The following SOX6 variants were observed in gnomAD, a reference collection of about 807,000 sequenced individuals.
SOX6 encodes SRY-box transcription factor 6, also known as transcription factor SOX-6.
Under a neutral mutation model 97.8 loss-of-function variants are expected in SOX6, and 11 were observed. That is an observed-to-expected ratio of 0.11 (90% CI 0.07 to 0.19). The LOEUF is 0.19. SOX6 is among the 10% of genes least tolerant of loss of function. SOX6 has a pLI of 1.00. For missense variants in SOX6, 810 were observed against 1,039.5 expected (o/e 0.78, Z 3.04); for synonymous variants, 360 against 371.4 (o/e 0.97, Z 0.35).
At chr11:16,291,229 TTATATATA>T (rs10529279) in intron 3 of SOX6, among the ~76,000 whole-genome samples, 134 of 143,528 alleles carry the variant, frequency 9.3e-4, no homozygotes, top group African/African-American at 3.0e-3. Flanking sequence ...TTCTATAAAT[TTATATATA>T]TATATATATA....
intron 3 of SOX6, among the ~76,000 whole-genome samples, chr11:16,641,938 T>A (rs1308885014): frequency 1.3e-5 from 2 of 152,186 alleles, no homozygotes; most frequent in Non-Finnish European, 2.9e-5. Flanking sequence ...TGTGAATTTG[T>A]TCCTGACATT....
At chr11:16,493,522 A>C (rs1449705025) in intron 4 of SOX6, among the ~76,000 whole-genome samples, 1 of 152,156 alleles carries the variant, frequency 6.6e-6, no homozygotes, top group African/African-American at 2.4e-5. Flanking sequence ...GGAAGAAGAA[A>C]GGCTTCCGGG....
chr11:16,069,182 T>A (rs1684490832), intron 9 of SOX6, among the ~76,000 whole-genome samples: 1 of 152,172 alleles, frequency 6.6e-6, no homozygotes. Context: ...AACAAAATGG[T>A]AGCAGAAGAA....
chr11:16,226,750 T>G (rs1852700798), intron 4 of SOX6, among the ~76,000 whole-genome samples: 2 of 151,912 alleles, frequency 1.3e-5, no homozygotes, highest in Non-Finnish European at 2.9e-5. Flanking sequence ...CCCCTGTCTC[T>G]CATTCAGGTA....
intron 12 of SOX6, among the ~76,000 whole-genome samples, chr11:16,022,390 C>CCTCT (rs751154408): frequency 2.0e-4 from 29 of 142,218 alleles, no homozygotes; most frequent in African/African-American, 5.7e-4. Flanking sequence ...TCCCTCCCTT[C>CCTCT]CTCTCTCTCT....
At chr11:16,595,467 T>C (rs189930780) in intron 4 of SOX6, among the ~76,000 whole-genome samples, 16 of 152,204 alleles carry the variant, frequency 1.1e-4, no homozygotes, top group African/African-American at 1.9e-4. Context: ...TCAAAAGTTA[T>C]TAGAAAACAT....
At chr11:16,662,236 A>G (rs1847770879) in intron 3 of SOX6, among the ~76,000 whole-genome samples, 1 of 152,164 alleles carries the variant, frequency 6.6e-6, no homozygotes, top group Admixed American at 6.5e-5. Context: ...TGCTTGTCTG[A>G]GAAAGTCATT....
intron 4 of SOX6, among the ~76,000 whole-genome samples, chr11:16,548,465 A>G (rs1471924330): frequency 6.6e-6 from 1 of 152,210 alleles, no homozygotes; most frequent in Non-Finnish European, 1.5e-5. Context: ...TTCCATAAAA[A>G]TGAAGCCACA....
chr11:16,482,117 T>C (rs578058096), intron 4 of SOX6, among the ~76,000 whole-genome samples: 1 of 142,816 alleles, frequency 7.0e-6, no homozygotes, highest in East Asian at 2.7e-4. Context: ...TTCACACAGA[T>C]AGGTAGTTAG....
intron 12 of SOX6, among the ~76,000 whole-genome samples, chr11:16,042,775 C>T (rs1855706063): frequency 6.6e-6 from 1 of 152,112 alleles, no homozygotes; most frequent in Non-Finnish European, 1.5e-5. Context: ...ATAATAGTGT[C>T]CACTGTAGCT....
intron 1 of SOX6, among the ~76,000 whole-genome samples, chr11:16,443,815 C>T (rs1453883980): frequency 2.6e-5 from 4 of 151,932 alleles, no homozygotes; most frequent in Non-Finnish European, 5.9e-5. Flanking sequence ...GAGATCAAGA[C>T]CATCCTGGCC....
intron 9 of SOX6, among the ~76,000 whole-genome samples, chr11:16,091,088 TA>T (rs200113387): frequency 0.01 from 1,590 of 152,174 alleles, 23 homozygotes; most frequent in African/African-American, 0.036. Flanking sequence ...TCTAATTCCA[TA>T]AATGGAGTTA....
intron 3 of SOX6, among the ~76,000 whole-genome samples, chr11:16,296,111 T>C (rs1342211759): frequency 6.6e-6 from 1 of 152,142 alleles, no homozygotes; most frequent in African/African-American, 2.4e-5. Flanking sequence ...TAATATAACA[T>C]TTTTATAACT....
chr11:16,104,743 C>T (rs1849034698), intron 7 of SOX6, among the ~76,000 whole-genome samples: 1 of 151,730 alleles, frequency 6.6e-6, no homozygotes, highest in African/African-American at 2.4e-5. Flanking sequence ...AAAAAGAAGC[C>T]CTGAATAATT....
intron 3 of SOX6, among the ~76,000 whole-genome samples, chr11:16,265,159 G>A (rs1209625752): frequency 2.0e-5 from 3 of 151,892 alleles, no homozygotes; most frequent in African/African-American, 4.8e-5. Flanking sequence ...TCTGCAGAGG[G>A]GTCCCTTGAG....
intron 3 of SOX6, among the ~76,000 whole-genome samples, chr11:16,275,495 C>CAAAAAAA (rs1854374435): frequency 9.4e-6 from 1 of 106,222 alleles, no homozygotes; most frequent in African/African-American, 2.7e-5. Context: ...AACAAAAAAA[C>CAAAAAAA]ACCTCTTCCT....
chr11:16,009,486 T>C (rs1207903308), intron 13 of SOX6, among the ~76,000 whole-genome samples: 1 of 152,098 alleles, frequency 6.6e-6, no homozygotes, highest in Middle Eastern at 3.2e-3. Flanking sequence ...TGGTAGGGTC[T>C]AGAAGTCAGA....
At chr11:16,134,974 G>C (rs541842386) in intron 6 of SOX6, among the ~76,000 whole-genome samples, 1 of 152,296 alleles carries the variant, frequency 6.6e-6, no homozygotes, top group African/African-American at 2.4e-5. Context: ...GGCTAATGCA[G>C]CTAGTGACTT....
chr11:16,073,930 A>T (rs1160952968), intron 9 of SOX6, among the ~76,000 whole-genome samples: 2 of 152,210 alleles, frequency 1.3e-5, no homozygotes, highest in African/African-American at 4.8e-5. Flanking sequence ...TTTCTGGGAT[A>T]CAACTAAAGC....
Sources: gnomAD v4.1 joint callset for allele counts (sites outside exome capture counted in the v4.1 genomes callset) on GRCh38, gnomAD v4.1.1 for gene constraint, MANE v1.5 for transcripts, NCBI Gene and HGNC (gene_info 2026-07-23, HGNC 2026-07-21) for gene names.